The following IL12RB2 variants were observed in gnomAD, a reference collection of about 807,000 sequenced individuals.
The protein encoded by IL12RB2 is interleukin-12 receptor subunit beta-2.
In IL12RB2, 82 loss-of-function variants were observed where a neutral mutation model predicts 89.4. That is an observed-to-expected ratio of 0.92 (90% CI 0.77 to 1.10). The LOEUF is 1.10. Ranked by LOEUF, IL12RB2 falls within the 50% of genes least tolerant of loss-of-function variation. The probability of loss-of-function intolerance (pLI) is 0.00; values close to 1 mark genes in which losing one functional copy is unlikely to be tolerated. For synonymous variants in IL12RB2, 368 were observed against 370.1 expected, an observed-to-expected ratio of 0.99 and a Z score of 0.07; for missense variants, 963 against 1,031.9, an observed-to-expected ratio of 0.93 and a Z score of 0.92.
At chr1:67,371,134 G>T (rs1315917456) in intron 11 of IL12RB2, among the ~76,000 whole-genome samples, 5 of 152,120 alleles carry the variant, frequency 3.3e-5, no homozygotes, top group African/African-American at 9.7e-5. Context: ...ATTCCATGTT[G>T]CCCTTTGGGC....
At chr1:67,335,323 G>A (rs569031315) in intron 8 of IL12RB2, among the ~76,000 whole-genome samples, 75 of 152,194 alleles carry the variant, frequency 4.9e-4, no homozygotes, top group Non-Finnish European at 7.8e-4. Flanking sequence ...TAAAGAGTTG[G>A]ACCGTGATGG....
chr1:67,363,593 T>C (rs1258859884), intron 10 of IL12RB2, among the ~76,000 whole-genome samples: 1 of 152,158 alleles, frequency 6.6e-6, no homozygotes, highest in African/African-American at 2.4e-5. Context: ...TTTGATTACA[T>C]ATGTTTGTGT....
intron 10 of IL12RB2, among the ~76,000 whole-genome samples, chr1:67,361,707 G>T (rs1387694658): frequency 6.6e-6 from 1 of 150,648 alleles, no homozygotes; most frequent in African/African-American, 2.4e-5. Flanking sequence ...AATATGAGAA[G>T]GTAAAAAAAA....
chr1:67,389,248 C>T (rs961493112), intron 15 of IL12RB2, among the ~76,000 whole-genome samples: 2 of 151,920 alleles, frequency 1.3e-5, no homozygotes, highest in Non-Finnish European at 2.9e-5. Flanking sequence ...AGATCACAGA[C>T]ACTTCTGCTC....
At chr1:67,363,850 G>A (rs890335793) in intron 10 of IL12RB2, among the ~76,000 whole-genome samples, 8 of 152,288 alleles carry the variant, frequency 5.3e-5, no homozygotes, top group Middle Eastern at 3.4e-3. Context: ...AAAAAGGGCA[G>A]AAAATGAAAT....
At chr1:67,350,638 T>C (rs867238153) in intron 9 of IL12RB2, among the ~76,000 whole-genome samples, 5 of 152,236 alleles carry the variant, frequency 3.3e-5, no homozygotes, top group African/African-American at 9.6e-5. Flanking sequence ...AGAAAATCAA[T>C]GCGTTCTTAA....
At chr1:67,340,789 G>A (rs916974399) in intron 9 of IL12RB2, among the ~76,000 whole-genome samples, 2 of 152,226 alleles carry the variant, frequency 1.3e-5, no homozygotes, top group Non-Finnish European at 2.9e-5. Flanking sequence ...CTTGGTAAAT[G>A]TGAGTATGTG....
Position 67,330,761 on chromosome 1 carries a change from A to G in IL12RB2, c.909A>G (p.Gly303=). The change falls in exon 8 of 17, where the codon GGA becomes GGG. Residue 303 remains glycine, a synonymous_variant. Transcript: ENST00000674203. ...CCTCTAAGCTACATCTTTATAAGGGAAGTTGGAGTGATTGGAGTGAATCAT... is the reference window on the plus strand; with the variant it reads ...CCTCTAAGCTACATCTTTATAAGGGGAGTTGGAGTGATTGGAGTGAATCAT... The part of the protein sequence containing the change: ...QISSKLHLYK[G]SWSDWSESLR... 1 of 1,567,758 alleles carries G rather than the reference A, an allele frequency of 6.4e-7. No homozygotes were observed. Among genetic ancestry groups the G allele is most frequent in the South Asian group, 1.1e-5 (1 of 90,144 alleles).
In IL12RB2 at chr1:67,367,938, T is replaced by C. The variant is rs1310985326; in HGVS notation, c.1372T>C (p.Trp458Arg). 1 of 1,609,116 alleles carries C rather than the reference T, an allele frequency of 6.2e-7. No individual in the cohort carries two copies. Among genetic ancestry groups the C allele is most frequent in the Non-Finnish European group, 8.5e-7 (1 of 1,175,370 alleles). The change falls in exon 11 of 17, where the codon TGG becomes CGG. Residue 458 changes from tryptophan (W) to arginine (R), a missense_variant. By Grantham distance (101) the Trp-to-Arg change is moderately radical (BLOSUM62 -3). Coordinates refer to ENST00000674203, the MANE Select transcript of IL12RB2 (RefSeq NM_001374259.2). ...TGCTGTTCAGGAGTACGTGGTGGAA[T>C]GGAGAGAGCTCCATCCAGGGGGTGA... ...PSAVQEYVVEWRELHPGGDTQ... is the reference protein window; with the variant it reads ...PSAVQEYVVERRELHPGGDTQ...
At chr1:67,321,490 T>G in intron 3 of IL12RB2, 112 bp from the exon 4 acceptor site, 1 of 760,936 alleles carries the variant, frequency 1.3e-6, no homozygotes, top group South Asian at 1.4e-5. Context: ...TAATTATATT[T>G]GCATGATCTG....
chr1:67,355,743 T>C (rs1036245733), intron 10 of IL12RB2, among the ~76,000 whole-genome samples: 6 of 152,086 alleles, frequency 3.9e-5, no homozygotes, highest in Non-Finnish European at 7.4e-5. Context: ...AAAATGGAGA[T>C]GGGAAGTTGA....
chr1:67,391,365 G>A (rs1441266061), intron 16 of IL12RB2, among the ~76,000 whole-genome samples: 2 of 140,676 alleles, frequency 1.4e-5, no homozygotes, highest in Non-Finnish European at 3.0e-5. Flanking sequence ...CAGTGTGTGT[G>A]TGTGTGTGTG....
At chr1:67,333,179 A>AT (rs1380343030) in intron 8 of IL12RB2, among the ~76,000 whole-genome samples, 1 of 151,574 alleles carries the variant, frequency 6.6e-6, no homozygotes, top group South Asian at 2.1e-4. Flanking sequence ...TCTATGTTTG[A>AT]TTTTTCTGTG....
chr1:67,365,007 A>C (rs1288127395), intron 10 of IL12RB2, among the ~76,000 whole-genome samples: 1 of 152,266 alleles, frequency 6.6e-6, no homozygotes, highest in Non-Finnish European at 1.5e-5. Flanking sequence ...ACAGAAAGAT[A>C]GCTGGAAAAT....
At chr1:67,389,105 A>G (rs142629507) in intron 15 of IL12RB2, among the ~76,000 whole-genome samples, 2,113 of 152,252 alleles carry the variant, frequency 0.014, 40 homozygotes, top group African/African-American at 0.049. Context: ...TTTATCTTCC[A>G]TATAACAGCC....
In IL12RB2 at chr1:67,372,485, A is replaced by C. The variant is rs771180528; in HGVS notation, c.1509A>C (p.Ser503=). The C allele has an allele frequency of 6.2e-7, 1 of 1,604,906 alleles. No individual in the cohort carries two copies. Among genetic ancestry groups the C allele is most frequent in the South Asian group, 1.1e-5 (1 of 90,882 alleles). The change falls in exon 12 of 17, where the codon TCA becomes TCC. Residue 503 remains serine (S), a synonymous_variant. Transcript: ENST00000674203. ...ATGAAATCCGTGTGTATGCACTCTCAGGGGATCAAGGAGGATGCAGCTCCA... is the reference window on the plus strand; with the variant it reads ...ATGAAATCCGTGTGTATGCACTCTCCGGGGATCAAGGAGGATGCAGCTCCA... ...ICYEIRVYAL[S]GDQGGCSSIL...
intron 10 of IL12RB2, among the ~76,000 whole-genome samples, chr1:67,352,769 G>C (rs1027936075): frequency 4.6e-5 from 7 of 152,292 alleles, no homozygotes; most frequent in African/African-American, 9.6e-5. Flanking sequence ...AAAATGTTTA[G>C]CCTAACTAGC....
chr1:67,322,343 C>A (rs1016464248), intron 4 of IL12RB2, among the ~76,000 whole-genome samples: 1 of 151,678 alleles, frequency 6.6e-6, no homozygotes, highest in African/African-American at 2.4e-5. Context: ...CATGCTCACC[C>A]GGACCACTGG....
At chr1:67,339,344 G>C (rs541973796) in intron 9 of IL12RB2, among the ~76,000 whole-genome samples, 1 of 151,894 alleles carries the variant, frequency 6.6e-6, no homozygotes, top group African/African-American at 2.4e-5. Flanking sequence ...AAAATTAGCC[G>C]GGCATGGTGG....
Sources: gnomAD v4.1 joint callset for allele counts (sites outside exome capture counted in the v4.1 genomes callset) on GRCh38, gnomAD v4.1.1 for gene constraint, MANE v1.5 for transcripts, NCBI Gene and HGNC (gene_info 2026-07-23, HGNC 2026-07-21) for gene names.